The following OPLAH variants were observed in gnomAD, a reference collection of about 807,000 sequenced individuals.
OPLAH encodes 5-oxoprolinase.
OPLAH carries 103 observed loss-of-function variants against 122.8 expected under a neutral mutation model. That is an observed-to-expected ratio of 0.84 (90% CI 0.71 to 0.99). The LOEUF is 0.99. OPLAH is among the 50% of genes least tolerant of loss of function. The probability of loss-of-function intolerance (pLI) is 0.00; values close to 1 mark genes in which losing one functional copy is unlikely to be tolerated. For synonymous variants in OPLAH, 875 were observed against 796.0 expected, an observed-to-expected ratio of 1.10 and a Z score of -1.67; for missense variants, 1,902 against 1,836.5, an observed-to-expected ratio of 1.04 and a Z score of -0.65.
In OPLAH at chr8:144,052,552, A is replaced by G. The variant is rs781983641; in HGVS notation, c.3200T>C (p.Leu1067Pro). The G allele has an allele frequency of 6.3e-7, 1 of 1,596,574 alleles. No individual in the cohort carries two copies. Among genetic ancestry groups the G allele is most frequent in the South Asian group, 1.1e-5 (1 of 90,138 alleles). ...VRVVIPRGSI[L>P]DPSPEAAVVG... is the part of the protein sequence containing the mutation. ...CACCGCCGCCTCGGGCGACGGGTCC[A>G]GGATGGAGCCTCGGGGAATGACCAC... Residue 1067 changes from leucine (L) to proline (P), a missense_variant, in exon 23 of 27, where the codon CTG becomes CCG. By Grantham distance (98) the Leu-to-Pro change is moderately conservative (BLOSUM62 -3). Transcript: ENST00000618853.
chr8:144,052,074 T>A lies in OPLAH; in HGVS notation c.3464A>T (p.Tyr1155Phe). The A allele has an allele frequency of 6.3e-7, 1 of 1,581,028 alleles. No homozygotes were observed. The highest frequency in any genetic ancestry group is 8.5e-7 in the Non-Finnish European group (1 of 1,170,936). ...CTCGAAGCGGCGCAGGATGACCGGG[T>A]ACCTGCGAGGGCGAGGACGAGGGCA... is the stretch of plus-strand genomic sequence containing the variant. Reference protein sequence around the residue: ...ITDPEILESRYPVILRRFELR... With the variant: ...ITDPEILESRFPVILRRFELR... Residue 1155 changes from tyrosine to phenylalanine, a missense_variant and splice_region_variant, in exon 25 of 27, where the codon TAC becomes TTC. This residue lies in a region of OPLAH where 1,726 missense variants were observed against 1,642.1 expected (regional missense o/e 1.05). Transcript: ENST00000618853.
intron 23 of OPLAH, 29 bp downstream of exon 23, chr8:144,052,420 C>G (rs781968711): frequency 1.3e-6 from 2 of 1,530,740 alleles, no homozygotes; most frequent in East Asian, 4.9e-5. Context: ...CCAGTCCGCC[C>G]CCGAGCTGCG....
At chr8:144,058,186 C>A (rs782507682) in intron 7 of OPLAH, 38 bp from the exon 8 acceptor site, 1 of 1,607,034 alleles carries the variant, frequency 6.2e-7, no homozygotes, top group East Asian at 2.2e-5. Context: ...ACTTGAAGAC[C>A]CAGGGGCCCA....
chr8:144,056,405 C>T lies in OPLAH; in HGVS notation c.1963G>A (p.Gly655Arg), dbSNP rs111560469. ...RLEDAPKAQT[G>R]PPRVDKMTQC... Reference sequence around the variant, plus strand: ...CCAACCTTGTCCACCCGGGGAGGCCCGGTCTGGGCTTTGGGGGCATCCTCG... The same window carrying T: ...CCAACCTTGTCCACCCGGGGAGGCCTGGTCTGGGCTTTGGGGGCATCCTCG... The change falls in exon 14 of 27, where the codon GGG becomes AGG. Residue 655 changes from glycine (G) to arginine (R), a missense_variant. Gly to Arg is a moderately radical substitution (Grantham distance 125). Around this residue, in one of 3 missense-constraint regions of OPLAH, gnomAD observed 1,726 missense variants for 1,642.1 expected, o/e 1.05. Coordinates refer to ENST00000618853, the MANE Select transcript of OPLAH (RefSeq NM_017570.5). 44 of 1,606,772 alleles carry T rather than the reference C, an allele frequency of 2.7e-5. No individual in the cohort carries two copies. The highest frequency in any genetic ancestry group is 2.5e-4 in the African/African-American group (19 of 74,920).
Position 144,054,858 on chromosome 8 carries a change from G to A in OPLAH, c.2465C>T (p.Pro822Leu), listed in dbSNP as rs1835470475. ...HPGDVLLSNHPSAGGSHLPDL... is the reference protein window; with the variant it reads ...HPGDVLLSNHLSAGGSHLPDL... ...TGGCAGGTGGCTGCCCCCGGCACTG[G>A]GATGGTTGCTCAGTAGCACGTCGCC... Residue 822 changes from proline (P) to leucine (L), a missense_variant, in exon 18 of 27, where the codon CCC becomes CTC. Coordinates refer to ENST00000618853, the MANE Select transcript of OPLAH (RefSeq NM_017570.5). 6.2e-7 allele frequency: 1 copy of A among 1,612,126 alleles called. No individual in the cohort carries two copies. Among genetic ancestry groups the A allele is most frequent in the Non-Finnish European group, 8.5e-7 (1 of 1,179,744 alleles).
Position 144,056,248 on chromosome 8 carries a change from G to A in OPLAH, c.1995C>T (p.Cys665=). 1.9e-6 allele frequency: 3 copies of A among 1,611,480 alleles called. No individual in the cohort carries two copies. The highest frequency in any genetic ancestry group is 2.5e-6 in the Non-Finnish European group (3 of 1,178,860). ...TCTCCTGGTAGCCCCCCTCAAAGTAGCACTGGGTCATCTGCAGAGGGTGCG... is the reference window on the plus strand; with the variant it reads ...TCTCCTGGTAGCCCCCCTCAAAGTAACACTGGGTCATCTGCAGAGGGTGCG... ...GPPRVDKMTQ[C]YFEGGYQETP... Residue 665 remains cysteine (C), a synonymous_variant, in exon 15 of 27, where the codon TGC becomes TGT. Coordinates refer to ENST00000618853, the MANE Select transcript of OPLAH (RefSeq NM_017570.5).
At chr8:144,058,193 C>G in intron 7 of OPLAH, 45 bp from the exon 8 acceptor site, 1 of 1,605,842 alleles carries the variant, frequency 6.2e-7, no homozygotes, top group Non-Finnish European at 8.5e-7. Flanking sequence ...GACCCAGGGG[C>G]CCAGCAGCTG....
chr8:144,052,503 C>T lies in OPLAH; in HGVS notation c.3249G>A (p.Ser1083=). 1.3e-6 allele frequency: 2 copies of T among 1,574,264 alleles called. No individual in the cohort carries two copies. Among genetic ancestry groups the T allele is most frequent in the South Asian group, 1.1e-5 (1 of 87,152 alleles). ...AAVVGGNVLT[S]QRVVDVILGA... is the part of the protein sequence containing the mutation. ...CCAGGATGACATCCACCACGCGCTG[C>T]GACGTGAGCACGTTGCCGCCCACCA... Residue 1083 remains serine, a synonymous_variant, in exon 23 of 27, where the codon TCG becomes TCA. Transcript: ENST00000618853.
At position 144,060,672 on chromosome 8, in the gene OPLAH, C is replaced by A. The variant is rs1219469147; in HGVS notation, c.-73G>T. 2.0e-5 allele frequency: 3 copies of A among 152,032 alleles called. No individual in the cohort carries two copies. Among genetic ancestry groups the A allele is most frequent in the Non-Finnish European group, 2.9e-5 (2 of 68,008 alleles). 9.4% of individuals were successfully genotyped at this position (152,032 alleles called of 1,614,324 possible). A position where few individuals can be genotyped will look rare whatever the true frequency, so the allele number is the denominator to read the frequency against. On this transcript the variant is annotated 5_prime_UTR_variant, in exon 1 of 27. Transcript: ENST00000618853. ...CCCCACCTGGCGCTCGGCTCCGGCT[C>A]GGTCGCTCGCGGTCGGCTCTGCCTG...
rs377135842 is a variant in OPLAH, at chr8:144,052,953, C to G, written c.3018+30G>C. ...TGTCAGCGGCCGCACCGTGCCCCTG[C>G]CGCCTAGAGGCACTCTCCCCACGGC... On this transcript the variant is annotated intron_variant, in intron 21 of 26. Transcript: ENST00000618853. The G allele has an allele frequency of 2.2e-5, 35 of 1,580,290 alleles. No individual in the cohort carries two copies. The African/African-American group carries it at 4.6e-4, about 21-fold the overall frequency.
At position 144,059,876 on chromosome 8, in the gene OPLAH, G is replaced by C. The variant is rs200381383; in HGVS notation, c.157C>G (p.Arg53Gly). 7 of 1,612,630 alleles carry C rather than the reference G, an allele frequency of 4.3e-6. No individual in the cohort carries two copies. The highest frequency in any genetic ancestry group is 5.1e-6 in the Non-Finnish European group (6 of 1,179,818). The stretch of plus-strand genomic sequence containing the variant: ...CCCTGGCCCACCTGCTCCAGGATGC[G>C]GCGGATGCCTTCGGTTGGCGCGTCC... ...YADAPTEGIR[R>G]ILEQEAGMLL... is the part of the protein sequence containing the mutation. Residue 53 changes from arginine to glycine, a missense_variant, in exon 2 of 27, where the codon CGC (arginine) becomes GGC (glycine). Transcript: ENST00000618853.
Position 144,059,010 on chromosome 8 carries a change from C to T in OPLAH, c.433G>A (p.Gly145Arg), listed in dbSNP as rs1554760250. ...ACAGGCGTCCCGGTGCCCGCCTCTCCACGGTGCAGCACCACGCGTTCGTCC... is the reference window on the plus strand; with the variant it reads ...ACAGGCGTCCCGGTGCCCGCCTCTCTACGGTGCAGCACCACGCGTTCGTCC... ...EVDERVVLHR[G>R]EAGTGTPVKG... Residue 145 changes from glycine to arginine, a missense_variant, in exon 4 of 27, where the codon GGA becomes AGA. Coordinates refer to ENST00000618853, the MANE Select transcript of OPLAH (RefSeq NM_017570.5). 1 of 1,582,030 alleles carries T rather than the reference C, an allele frequency of 6.3e-7. No individual in the cohort carries two copies. Among genetic ancestry groups the T allele is most frequent in the Non-Finnish European group, 8.6e-7 (1 of 1,165,644 alleles).
chr8:144,058,686 G>T lies in OPLAH; in HGVS notation c.593C>A (p.Ala198Asp). Residue 198 changes from alanine to aspartate, a missense_variant, in exon 6 of 27, where the codon GCC (alanine) becomes GAC (aspartate). Ala to Asp is a moderately radical substitution (Grantham distance 126). Transcript: ENST00000618853. ...AVVLMHSYTW[A>D]QHEQQVGVLA... The stretch of plus-strand genomic sequence containing the variant: ...CACACCCACCTGCTGCTCATGCTGG[G>T]CCCACCTATGACAAAAACCCAGTGG... 2.5e-6 allele frequency: 4 copies of T among 1,587,558 alleles called. No individual in the cohort carries two copies. The highest frequency in any genetic ancestry group is 3.4e-6 in the Non-Finnish European group (4 of 1,167,948).
At position 144,057,090 on chromosome 8, in the gene OPLAH, GC is replaced by G. The variant is rs782680019; in HGVS notation, c.1563del (p.Leu522TrpfsTer30). On this transcript the variant is annotated frameshift_variant, in exon 12 of 27. Coordinates refer to ENST00000618853, the MANE Select transcript of OPLAH (RefSeq NM_017570.5). LOFTEE classifies it high-confidence loss of function. ...TCATGCACCACGTCAGCCAGGGCCAGCCCCAGGGCCGACAGCAGCCCACTGT... is the reference window on the plus strand; with the variant it reads ...TCATGCACCACGTCAGCCAGGGCCAGCCCAGGGCCGACAGCAGCCCACTGT... ...HRHSGLLSAL[G>X]LALADVVHEA... 4.8e-5 allele frequency: 77 copies of G among 1,602,270 alleles called. No homozygotes were observed. Among genetic ancestry groups the G allele is most frequent in the Non-Finnish European group, 6.3e-5 (74 of 1,175,516 alleles).
chr8:144,056,706 C>CCGTG lies in OPLAH; in HGVS notation c.1752_1755dup (p.Asp586HisfsTer42), dbSNP rs782263540. On this transcript the variant is annotated frameshift_variant, in exon 13 of 27. Transcript: ENST00000618853. LOFTEE classifies it high-confidence loss of function. ...TGGGCAGACACCATCAGAGCACAGT[C>CCGTG]CGTGCCCTGGTAGCGCAGGTGCAGG... 28 of 1,611,462 alleles carry CCGTG rather than the reference C, an allele frequency of 1.7e-5. No individual in the cohort carries two copies. Among genetic ancestry groups the CCGTG allele is most frequent in the Non-Finnish European group, 2.3e-5 (27 of 1,179,448 alleles).
intron 22 of OPLAH, 28 bp downstream of exon 22, chr8:144,052,738 C>T (rs927422391): frequency 6.4e-6 from 10 of 1,557,992 alleles, no homozygotes; most frequent in Non-Finnish European, 8.7e-6. Flanking sequence ...GGGCTGGGGC[C>T]CCCCCTCGCG....
At position 144,052,566 on chromosome 8, in the gene OPLAH, G is replaced by A. The variant is rs782732612; in HGVS notation, c.3186C>T (p.Pro1062=). Residue 1062 remains proline (P), a synonymous_variant, in exon 23 of 27, where the codon CCC becomes CCT. Transcript: ENST00000618853. ...GCLAPVRVVI[P]RGSILDPSPE... Reference sequence around the variant, plus strand: ...GCGACGGGTCCAGGATGGAGCCTCGGGGAATGACCACGCGCACTGGCGCCA... The same window carrying A: ...GCGACGGGTCCAGGATGGAGCCTCGAGGAATGACCACGCGCACTGGCGCCA... 1.1e-5 allele frequency: 17 copies of A among 1,597,034 alleles called. No homozygotes were observed. The highest frequency in any genetic ancestry group is 2.2e-5 in the East Asian group (1 of 44,672).
Position 144,055,931 on chromosome 8 carries a change from A to C in OPLAH, c.2105T>G (p.Leu702Arg). 1.3e-6 allele frequency: 2 copies of C among 1,584,722 alleles called. No homozygotes were observed. Among genetic ancestry groups the C allele is most frequent in the Non-Finnish European group, 1.7e-6 (2 of 1,165,194 alleles). Reference sequence around the variant, plus strand: ...CTCTGCCTGGCAACCTGGCTCCACCAGGATGGTGCTGGGGAGCAGAGGGCA... The same window carrying C: ...CTCTGCCTGGCAACCTGGCTCCACCCGGATGGTGCTGGGGAGCAGAGGGCA... The part of the protein sequence containing the change: ...CLIIDSNSTI[L>R]VEPGCQAEVT... Residue 702 changes from leucine to arginine, a missense_variant, in exon 16 of 27, where the codon CTG becomes CGG. By Grantham distance (102) the Leu-to-Arg change is moderately radical. Transcript: ENST00000618853. This position sits in a 1 kb window ranked among gnomAD's most constrained non-coding sequence, Gnocchi z 6.5.
At chr8:144,054,421 G>C (rs1243565889) in intron 19 of OPLAH, 140 bp downstream of exon 19, 1 of 922,062 alleles carries the variant, frequency 1.1e-6, no homozygotes. Context: ...CTGCCCTTTG[G>C]GGTAACCACC....
Sources: allele counts gnomAD v4.1 joint callset, GRCh38; gene constraint gnomAD v4.1.1; regional missense constraint gnomAD v4.1.1; non-coding constraint Gnocchi (gnomAD v3.1); transcripts MANE v1.5; gene names NCBI Gene and HGNC (gene_info 2026-07-23, HGNC 2026-07-21).